The following GBA1 variants were observed in gnomAD, a reference collection of about 807,000 sequenced individuals.
GBA1 encodes the protein glucosylceramidase beta 1, also known as lysosomal acid glucosylceramidase.
the GBA1 span, chr1:155,236,115 T>C: frequency 1.2e-6 from 1 of 852,544 alleles, no homozygotes; most frequent in Non-Finnish European, 1.9e-6. Flanking sequence ...GGAATCATGG[T>C]TCCCCAGAGT....
chr1:155,237,447 A>T, the GBA1 span: 1 of 1,613,834 alleles, frequency 6.2e-7, no homozygotes, highest in East Asian at 2.2e-5. Flanking sequence ...ACGGGCAATG[A>T]AGTCTCGCTG....
the GBA1 span, among the ~76,000 whole-genome samples, chr1:155,236,882 C>T: frequency 5.9e-5 from 9 of 151,810 alleles, no homozygotes; most frequent in East Asian, 1.2e-3. Flanking sequence ...TGTTTTGTTT[C>T]GAGATGGAGT....
chr1:155,241,729 G>T, the GBA1 span, among the ~76,000 whole-genome samples: 11 of 152,224 alleles, frequency 7.2e-5, no homozygotes, highest in African/African-American at 2.6e-4. Flanking sequence ...CGTGGGTGGG[G>T]AATTATCCAG....
chr1:155,241,202 G>A, the GBA1 span: 1 of 1,294,022 alleles, frequency 7.7e-7, no homozygotes. Flanking sequence ...CAAGGATGCA[G>A]GTACCTGCCT....
the GBA1 span, chr1:155,236,222 G>A: frequency 1.3e-6 from 2 of 1,595,484 alleles, no homozygotes; most frequent in Non-Finnish European, 1.7e-6. Flanking sequence ...TGCTTTGCAG[G>A]AAGGGAGACT....
At chr1:155,238,897 T>G in the GBA1 span, 1 of 531,870 alleles carries the variant, frequency 1.9e-6, no homozygotes, top group East Asian at 4.1e-5. Context: ...GAACCAAATG[T>G]CAGGGATGGG....
the GBA1 span, chr1:155,237,675 C>T: frequency 6.4e-7 from 1 of 1,570,266 alleles, no homozygotes; most frequent in Non-Finnish European, 8.6e-7. Context: ...CTTTGGGAAG[C>T]CGAGGCAGGT....
chr1:155,239,778 G>A, the GBA1 span: 1 of 1,614,092 alleles, frequency 6.2e-7, no homozygotes, highest in East Asian at 2.2e-5. Context: ...GACATCCACA[G>A]GGAATAAGGG....
chr1:155,239,870 G>C, the GBA1 span: 1 of 1,614,046 alleles, frequency 6.2e-7, no homozygotes, highest in Non-Finnish European at 8.5e-7. Context: ...CAGGGGGTGA[G>C]GGGTGTAATG....
At chr1:155,241,231 T>C in the GBA1 span, 202 of 930,498 alleles carry the variant, frequency 2.2e-4, no homozygotes, top group Non-Finnish European at 3.3e-4. Context: ...GGCACTAGGT[T>C]AGCCCTGCAA....
At chr1:155,236,579 G>C in the GBA1 span, 16 of 875,212 alleles carry the variant, frequency 1.8e-5, no homozygotes, top group Non-Finnish European at 2.8e-5. Context: ...CAACTAGAGA[G>C]GTTTGGGGAG....
At chr1:155,239,779 G>A in the GBA1 span, 1 of 1,614,030 alleles carries the variant, frequency 6.2e-7, no homozygotes, top group Non-Finnish European at 8.5e-7. Context: ...ACATCCACAG[G>A]GAATAAGGGT....
the GBA1 span, chr1:155,235,593 G>A: frequency 7.2e-7 from 1 of 1,386,666 alleles, no homozygotes; most frequent in East Asian, 2.5e-5. Flanking sequence ...ACACCTTCCT[G>A]CTCCCTCGTG....
At chr1:155,235,966 C>T in the GBA1 span, 1 of 1,120,032 alleles carries the variant, frequency 8.9e-7, no homozygotes, top group South Asian at 1.3e-5. Flanking sequence ...GGGGCACATT[C>T]CTTAGTAGCT....
the GBA1 span, chr1:155,240,157 A>G: frequency 7.2e-7 from 1 of 1,379,876 alleles, no homozygotes; most frequent in Non-Finnish European, 1.0e-6. Flanking sequence ...GAGACTGAAC[A>G]CGGTTTCAAA....
the GBA1 span, among the ~76,000 whole-genome samples, chr1:155,243,752 C>T: frequency 6.6e-6 from 1 of 152,192 alleles, no homozygotes; most frequent in Non-Finnish European, 1.5e-5. Context: ...GGGTGAGGCA[C>T]TGCGCCCAGT....
At chr1:155,234,774 TG>T in the GBA1 span, 1 of 208,334 alleles carries the variant, frequency 4.8e-6, no homozygotes, top group Non-Finnish European at 8.5e-6. Flanking sequence ...GCATGGGGGC[TG>T]GGGGGACACT....
the GBA1 span, chr1:155,238,473 C>T: frequency 3.2e-6 from 5 of 1,554,440 alleles, no homozygotes; most frequent in South Asian, 2.3e-5. Context: ...TCTCAACCCC[C>T]AGACATCAGG....
chr1:155,241,286 A>T, the GBA1 span: 1 of 679,260 alleles, frequency 1.5e-6, no homozygotes, highest in Non-Finnish European at 2.7e-6. Flanking sequence ...GATGACTAGG[A>T]GCGTCACATG....
Sources: allele counts gnomAD v4.1 joint callset (sites outside exome capture counted in the v4.1 genomes callset), GRCh38; gene constraint gnomAD v4.1.1; transcripts MANE v1.5; gene names NCBI Gene and HGNC (gene_info 2026-07-23, HGNC 2026-07-21).